AUTS2: variants seen among roughly 807,000 people sequenced by gnomAD.
The protein encoded by AUTS2 is activator of transcription and developmental regulator AUTS2.
AUTS2 carries 17 observed loss-of-function variants against 112.4 expected under a neutral mutation model. The ratio of observed to expected loss-of-function variants is 0.15; its 90% CI spans 0.10 to 0.23. AUTS2 has a LOEUF of 0.23. AUTS2 is among the 10% of genes least tolerant of loss of function. The pLI is 1.00. For missense variants in AUTS2, 1,510 were observed against 1,701.6 expected (o/e 0.89, Z 1.98); for synonymous variants, 751 against 702.7 (o/e 1.07, Z -1.09).
chr7:70,171,907 G>GT (rs1277766953), intron 4 of AUTS2, among the ~76,000 whole-genome samples: 8 of 150,266 alleles, frequency 5.3e-5, no homozygotes, highest in East Asian at 1.9e-4. Flanking sequence ...TTTTTTTTTG[G>GT]GGGGGGGTAG....
chr7:70,525,070 A>AT (rs1347733786), intron 5 of AUTS2, among the ~76,000 whole-genome samples: 6 of 152,076 alleles, frequency 3.9e-5, no homozygotes, highest in Non-Finnish European at 8.8e-5. Context: ...CCTTGAGGTT[A>AT]TTTTTTCCAG....
chr7:70,014,394 T>G (rs1799939379), intron 2 of AUTS2, among the ~76,000 whole-genome samples: 1 of 152,236 alleles, frequency 6.6e-6, no homozygotes, highest in Non-Finnish European at 1.5e-5. Flanking sequence ...GAAAAAGAGA[T>G]AACACTTAAA....
intron 4 of AUTS2, among the ~76,000 whole-genome samples, chr7:70,333,222 G>T (rs1458514084): frequency 6.6e-6 from 1 of 152,154 alleles, no homozygotes; most frequent in Non-Finnish European, 1.5e-5. Flanking sequence ...ATCATCACTG[G>T]TCATTAGAGA....
intron 2 of AUTS2, among the ~76,000 whole-genome samples, chr7:70,051,934 TA>T (rs1285599199): frequency 5.3e-5 from 8 of 152,158 alleles, no homozygotes; most frequent in Non-Finnish European, 1.2e-4. Context: ...TTTGTGTGGG[TA>T]AGATTCTGTT....
At chr7:70,441,144 T>A (rs1796107537) in intron 5 of AUTS2, among the ~76,000 whole-genome samples, 2 of 152,142 alleles carry the variant, frequency 1.3e-5, no homozygotes, top group Admixed American at 6.5e-5. Flanking sequence ...ATACACAATC[T>A]CACAGAAATG....
intron 1 of AUTS2, among the ~76,000 whole-genome samples, chr7:69,826,339 G>A (rs1371534057): frequency 6.6e-6 from 1 of 152,186 alleles, no homozygotes; most frequent in Non-Finnish European, 1.5e-5. Flanking sequence ...GATGCGGCAA[G>A]GTTAAGTGAC....
At chr7:69,783,917 T>A (rs1200762965) in intron 1 of AUTS2, among the ~76,000 whole-genome samples, 1 of 152,170 alleles carries the variant, frequency 6.6e-6, no homozygotes, top group Non-Finnish European at 1.5e-5. Context: ...ATTTCTTGAG[T>A]CAGTAATGCA....
rs757333667 is a variant in AUTS2, at chr7:70,790,146, G to T, written c.2930G>T (p.Ser977Ile). The part of the protein sequence containing the change: ...GEPAYENPKK[S>I]SEVKVKEERK... ...CCGGCCTACGAGAACCCCAAGAAGAGCTCCGAGGTCAAGGTGAAGGAGGAG... is the reference window on the plus strand; with the variant it reads ...CCGGCCTACGAGAACCCCAAGAAGATCTCCGAGGTCAAGGTGAAGGAGGAG... The change falls in exon 19 of 19, where the codon AGC becomes ATC. Residue 977 changes from serine (S) to isoleucine (I), a missense_variant. By Grantham distance (142) the Ser-to-Ile change is moderately radical. Transcript: ENST00000342771. This position sits in a 1 kb window ranked among gnomAD's most constrained non-coding sequence, Gnocchi z 7.6. 2 of 1,610,450 alleles carry T rather than the reference G, an allele frequency of 1.2e-6. No homozygotes were observed. The highest frequency in any genetic ancestry group is 1.7e-6 in the Non-Finnish European group (2 of 1,178,988).
intron 5 of AUTS2, among the ~76,000 whole-genome samples, chr7:70,476,779 G>C (rs577900484): frequency 6.6e-6 from 1 of 152,274 alleles, no homozygotes; most frequent in South Asian, 2.1e-4. Context: ...GTAATACCTA[G>C]CTCAAAAATT....
intron 1 of AUTS2, among the ~76,000 whole-genome samples, chr7:69,898,441 A>G (rs1215994924): frequency 6.6e-6 from 1 of 152,136 alleles, no homozygotes; most frequent in African/African-American, 2.4e-5. Context: ...GTGGTCTCAG[A>G]GTTGTAGTGA....
chr7:70,431,861 G>A (rs1380335840), intron 4 of AUTS2, among the ~76,000 whole-genome samples: 2 of 152,218 alleles, frequency 1.3e-5, no homozygotes, highest in African/African-American at 2.4e-5. Context: ...ATGGCTGGAA[G>A]GACTCAGGTT....
At chr7:69,878,408 A>G (rs1584381039) in intron 1 of AUTS2, among the ~76,000 whole-genome samples, 1 of 152,306 alleles carries the variant, frequency 6.6e-6, no homozygotes, top group East Asian at 1.9e-4. Context: ...CTTTTAGACT[A>G]AATGACAAGA....
chr7:70,562,780 A>G (rs970636547), intron 5 of AUTS2, among the ~76,000 whole-genome samples: 3 of 152,232 alleles, frequency 2.0e-5, no homozygotes, highest in Admixed American at 1.3e-4. Flanking sequence ...GCCATGCGTT[A>G]TGAAGAACAG....
At chr7:69,994,285 A>G (rs1342138162) in intron 2 of AUTS2, among the ~76,000 whole-genome samples, 1 of 152,230 alleles carries the variant, frequency 6.6e-6, no homozygotes, top group East Asian at 1.9e-4. Context: ...CAACTTCATT[A>G]TCGTTACTAT....
At chr7:69,698,879 A>G (rs1350739919) in intron 1 of AUTS2, among the ~76,000 whole-genome samples, 1 of 152,174 alleles carries the variant, frequency 6.6e-6, no homozygotes, top group African/African-American at 2.4e-5. Flanking sequence ...GTGGGTATGT[A>G]TGGGAAGGAA....
chr7:70,265,365 G>A (rs918507056), intron 4 of AUTS2, among the ~76,000 whole-genome samples: 1 of 152,064 alleles, frequency 6.6e-6, no homozygotes, highest in Non-Finnish European at 1.5e-5. Context: ...TATGCAGTTT[G>A]TCTTTTTTTT....
chr7:70,075,769 A>G (rs906183331), intron 2 of AUTS2, among the ~76,000 whole-genome samples: 7 of 152,216 alleles, frequency 4.6e-5, no homozygotes, highest in African/African-American at 1.7e-4. Flanking sequence ...GATTCTAGAA[A>G]ATATTATTAA....
intron 5 of AUTS2, among the ~76,000 whole-genome samples, chr7:70,597,775 G>A (rs182866801): frequency 6.6e-6 from 1 of 152,168 alleles, no homozygotes; most frequent in East Asian, 1.9e-4. Context: ...AGCTCCAGCA[G>A]GTTTGGAAAT....
In AUTS2 at chr7:70,380,967, C is replaced by T. The variant is rs559610571; in HGVS notation, c.661-54785C>T. ...TTTTCTCTTAAAATGGCCAGATATC[C>T]ATTAACATAGAAGAGTATAGGATAA... On this transcript the variant is annotated intron_variant, in intron 4 of 18. Coordinates refer to ENST00000342771, the MANE Select transcript of AUTS2 (RefSeq NM_015570.4). Among the ~76,000 whole-genome samples, 7 of 152,218 alleles carry T rather than the reference C, an allele frequency of 4.6e-5. No individual in the cohort carries two copies. The South Asian group carries it at 1.5e-3, about 32-fold the overall frequency.
Sources: gnomAD v4.1 joint callset for allele counts (sites outside exome capture counted in the v4.1 genomes callset) on GRCh38, gnomAD v4.1.1 for gene constraint, Gnocchi (gnomAD v3.1) non-coding constraint, MANE v1.5 for transcripts, NCBI Gene and HGNC (gene_info 2026-07-23, HGNC 2026-07-21) for gene names.